Variants in ITPR1 observed in about 807,000 individuals in gnomAD.
ITPR1 encodes the protein inositol 1,4,5-trisphosphate-gated calcium channel ITPR1.
In ITPR1, 96 loss-of-function variants were observed where a neutral mutation model predicts 318.4. The observed-to-expected ratio is 0.30, with a 90% confidence interval of 0.26 to 0.36. The LOEUF (loss-of-function observed/expected upper bound fraction) is 0.36, where lower values mean the gene tolerates loss of function less well. Among genes scored for constraint, ITPR1 ranks in the 10% least tolerant of loss-of-function variants. ITPR1 has a pLI of 1.00. For missense variants in ITPR1, 2,440 were observed against 3,460.2 expected, an observed-to-expected ratio of 0.71 and a Z score of 7.40; for synonymous variants, 1,312 against 1,289.9, an observed-to-expected ratio of 1.02 and a Z score of -0.37.
chr3:4,544,336 C>G (rs1306218904), intron 4 of ITPR1, among the ~76,000 whole-genome samples: 1 of 152,174 alleles, frequency 6.6e-6, no homozygotes, highest in East Asian at 1.9e-4. Context: ...AGAATACCAG[C>G]TTTTGTCGAC....
chr3:4,804,157 C>G (rs914453733), intron 54 of ITPR1, among the ~76,000 whole-genome samples: 1 of 152,230 alleles, frequency 6.6e-6, no homozygotes, highest in African/African-American at 2.4e-5. Context: ...TAGGCGTGAG[C>G]CACCATGCCC....
chr3:4,500,727 G>A (rs558356455), intron 2 of ITPR1, among the ~76,000 whole-genome samples: 1 of 152,278 alleles, frequency 6.6e-6, no homozygotes, highest in African/African-American at 2.4e-5. Flanking sequence ...TTAGTGTCCT[G>A]AGGCTAAGAC....
At position 4,735,196 on chromosome 3, in the gene ITPR1, G is replaced by A. The variant is rs760608076; in HGVS notation, c.5386G>A (p.Gly1796Ser). 4.8e-5 allele frequency: 78 copies of A among 1,613,868 alleles called. No homozygotes were observed. The Admixed American group carries it at 1.2e-3, about 26-fold the overall frequency. The change falls in exon 44 of 62, where the codon GGT (glycine) becomes AGT (serine). Residue 1796 changes from glycine to serine, a missense_variant. By Grantham distance (56) the Gly-to-Ser change is moderately conservative. Around this residue, in one of 23 missense-constraint regions of ITPR1, gnomAD observed 166 missense variants for 143.7 expected, o/e 1.16. Coordinates refer to ENST00000649015, the MANE Select transcript of ITPR1 (RefSeq NM_001378452.1). Reference sequence around the variant, plus strand: ...TTCCGGATCCAGCTCTATGAGCAGGGGTGAGATGAGTCTGGCCGAGGTTCA... The same window carrying A: ...TTCCGGATCCAGCTCTATGAGCAGGAGTGAGATGAGTCTGGCCGAGGTTCA... ...GGSGSSSMSR[G>S]EMSLAEVQCH...
At chr3:4,495,045 G>A (rs1015326030) in intron 2 of ITPR1, among the ~76,000 whole-genome samples, 3 of 152,214 alleles carry the variant, frequency 2.0e-5, no homozygotes, top group Non-Finnish European at 4.4e-5. Flanking sequence ...CTTGACTCAA[G>A]CCACCTGAGT....
intron 53 of ITPR1, 183 bp from the exon 54 acceptor site, chr3:4,800,242 G>A (rs578071634): frequency 8.9e-6 from 5 of 562,562 alleles, no homozygotes; most frequent in Non-Finnish European, 1.5e-5. Flanking sequence ...CATGTGTGGA[G>A]GCTTGGAGGT....
chr3:4,678,220 C>T (rs2094223345), intron 24 of ITPR1, among the ~76,000 whole-genome samples: 1 of 152,168 alleles, frequency 6.6e-6, no homozygotes, highest in Admixed American at 6.5e-5. Flanking sequence ...AAGGAGAAAT[C>T]TTACTGAATT....
chr3:4,740,274 C>A lies in ITPR1; in HGVS notation c.5544+4920C>A, dbSNP rs759317526. On this transcript the variant is annotated intron_variant, in intron 44 of 61. Coordinates refer to ENST00000649015, the MANE Select transcript of ITPR1 (RefSeq NM_001378452.1). ...CTACAGCTGCAGGAAAGGGAGACACCATTGTCTCTGCAGTTGAGGAGTTTG... is the reference window on the plus strand; with the variant it reads ...CTACAGCTGCAGGAAAGGGAGACACAATTGTCTCTGCAGTTGAGGAGTTTG... 7.2e-5 allele frequency among the ~76,000 whole-genome samples: 11 copies of A among 152,286 alleles called. 1 individual carries two copies. Among genetic ancestry groups the A allele is most frequent in the African/African-American group, 4.8e-5 (2 of 41,544 alleles).
chr3:4,712,264 G>T (rs895422445), intron 39 of ITPR1, among the ~76,000 whole-genome samples: 4 of 152,108 alleles, frequency 2.6e-5, no homozygotes, highest in African/African-American at 9.7e-5. Flanking sequence ...GAGCTGTTGC[G>T]CAATCCTTTC....
intron 25 of ITPR1, 135 bp from the exon 26 acceptor site, chr3:4,681,229 T>G (rs1457359589): frequency 1.5e-6 from 1 of 662,412 alleles, no homozygotes; most frequent in Non-Finnish European, 2.8e-6. Flanking sequence ...TCACTCTGCA[T>G]AGCTTTGCAA....
intron 60 of ITPR1, chr3:4,830,816 C>G: frequency 2.5e-6 from 1 of 398,622 alleles, no homozygotes; most frequent in South Asian, 1.8e-5. Context: ...TTTCTAGGAC[C>G]CATCTTCTCC....
chr3:4,806,098 C>T lies in ITPR1; in HGVS notation c.7108-5C>T, dbSNP rs1200879823. The T allele has an allele frequency of 2.5e-6, 4 of 1,612,032 alleles. No individual in the cohort carries two copies. Among genetic ancestry groups the T allele is most frequent in the East Asian group, 4.5e-5 (2 of 44,858 alleles). On this transcript the variant is annotated splice_region_variant and splice_polypyrimidine_tract_variant and intron_variant, in intron 54 of 61. Transcript: ENST00000649015. ...CCATCTGACTGTTCCTGTCATTGTT[C>T]TCAGGTATGCAATAAAATCATCTTT...
At chr3:4,545,315 C>G (rs981502224) in intron 4 of ITPR1, among the ~76,000 whole-genome samples, 11 of 152,088 alleles carry the variant, frequency 7.2e-5, no homozygotes, top group African/African-American at 2.7e-4. Flanking sequence ...TATATGGAGG[C>G]TGCTTATGGT....
intron 29 of ITPR1, 77 bp from the exon 30 acceptor site, chr3:4,684,992 G>A: frequency 6.8e-7 from 1 of 1,462,712 alleles, no homozygotes; most frequent in Admixed American, 1.9e-5. Context: ...TTGCCTCCCT[G>A]CCCGCCACCA....
At chr3:4,548,272 T>G (rs2085222167) in intron 4 of ITPR1, among the ~76,000 whole-genome samples, 1 of 152,240 alleles carries the variant, frequency 6.6e-6, no homozygotes, top group Admixed American at 6.5e-5. Flanking sequence ...ACCTTTGTAC[T>G]GCATTCAAAC....
intron 4 of ITPR1, among the ~76,000 whole-genome samples, chr3:4,616,423 C>A (rs2092390813): frequency 6.6e-6 from 1 of 152,138 alleles, no homozygotes; most frequent in South Asian, 2.1e-4. Flanking sequence ...CTCCCTCTTC[C>A]CTGTGTTAAT....
chr3:4,628,535 C>G (rs868296950), intron 5 of ITPR1, among the ~76,000 whole-genome samples: 4 of 152,170 alleles, frequency 2.6e-5, no homozygotes, highest in Non-Finnish European at 5.9e-5. Flanking sequence ...TCAGGAAGTT[C>G]TCTGAGATGT....
At chr3:4,612,617 T>C (rs1575721212) in intron 4 of ITPR1, among the ~76,000 whole-genome samples, 1 of 152,106 alleles carries the variant, frequency 6.6e-6, no homozygotes, top group Non-Finnish European at 1.5e-5. Context: ...CTGGGCATGG[T>C]GGCTCATGCC....
At chr3:4,636,222 AT>A (rs565661511) in intron 5 of ITPR1, among the ~76,000 whole-genome samples, 1 of 152,328 alleles carries the variant, frequency 6.6e-6, no homozygotes, top group African/African-American at 2.4e-5. Context: ...ATATTTGTGC[AT>A]TTAGAAAAGA....
chr3:4,631,070 A>G (rs1340241362), intron 5 of ITPR1, among the ~76,000 whole-genome samples: 2 of 152,256 alleles, frequency 1.3e-5, no homozygotes, highest in Admixed American at 6.5e-5. Flanking sequence ...ATGTGAAAAC[A>G]TGGGAACTTC....
Sources: gnomAD v4.1 joint callset for allele counts (sites outside exome capture counted in the v4.1 genomes callset) on GRCh38, gnomAD v4.1.1 for gene constraint, gnomAD v4.1.1 regional missense constraint, MANE v1.5 for transcripts, NCBI Gene and HGNC (gene_info 2026-07-23, HGNC 2026-07-21) for gene names.